Variants in BRIP1 observed in about 807,000 individuals in gnomAD.
The protein encoded by BRIP1 is Fanconi anemia group J protein.
Under a neutral mutation model 119.7 loss-of-function variants are expected in BRIP1, and 88 were observed. That is an observed-to-expected ratio of 0.74 (90% CI 0.62 to 0.88). The LOEUF (loss-of-function observed/expected upper bound fraction) is 0.88. Ranked by LOEUF, BRIP1 falls within the 40% of genes least tolerant of loss-of-function variation. The pLI, the probability that BRIP1 is intolerant of heterozygous loss-of-function variation, is 0.00. For synonymous variants in BRIP1, 443 were observed against 496.5 expected, an observed-to-expected ratio of 0.89 and a Z score of 1.43; for missense variants, 1,259 against 1,455.4, an observed-to-expected ratio of 0.87 and a Z score of 2.20.
intron 11 of BRIP1, among the ~76,000 whole-genome samples, chr17:61,783,577 A>T (rs577517068): frequency 6.7e-6 from 1 of 148,736 alleles, no homozygotes; most frequent in African/African-American, 2.5e-5. Flanking sequence ...TTACCACAAT[A>T]AAAAAAAAAT....
chr17:61,765,316 A>G (rs1465560483), intron 14 of BRIP1, among the ~76,000 whole-genome samples: 1 of 140,810 alleles, frequency 7.1e-6, no homozygotes, highest in African/African-American at 2.6e-5. Context: ...ACATATACAT[A>G]CATAAACACA....
At chr17:61,784,668 T>A (rs1191680989) in intron 10 of BRIP1, among the ~76,000 whole-genome samples, 4 of 152,150 alleles carry the variant, frequency 2.6e-5, no homozygotes, top group Non-Finnish European at 5.9e-5. Flanking sequence ...ATTAACGCCC[T>A]CCCTAAGTAG....
rs569147771 is a variant in BRIP1, at chr17:61,789,060, A to C, written c.1473+4537T>G. Among the ~76,000 whole-genome samples, 20 of 152,142 alleles carry C rather than the reference A, an allele frequency of 1.3e-4. No homozygotes were observed. Among genetic ancestry groups the C allele is most frequent in the Non-Finnish European group, 2.4e-4 (16 of 67,974 alleles). ...CAGTGGGCTGAGATCACACCACTGC[A>C]CTCCAGCCTGGTTAACAGAGTGAGA... On this transcript the variant is annotated intron_variant, in intron 10 of 19. Transcript: ENST00000259008. This position sits in a 1 kb window ranked among gnomAD's most constrained non-coding sequence, Gnocchi z 4.8.
chr17:61,749,721 A>C (rs1402297120), intron 14 of BRIP1, among the ~76,000 whole-genome samples: 1 of 152,208 alleles, frequency 6.6e-6, no homozygotes, highest in African/African-American at 2.4e-5. Flanking sequence ...CAGTATATAT[A>C]GAAATGTTTT....
rs945155481 is a variant in BRIP1, at chr17:61,720,400, A to AAAAAT, written c.2380-4342_2380-4338dup. Among the ~76,000 whole-genome samples, 14 of 152,320 alleles carry AAAAAT rather than the reference A, an allele frequency of 9.2e-5. No individual in the cohort carries two copies. Among genetic ancestry groups the AAAAAT allele is most frequent in the African/African-American group, 3.4e-4 (14 of 41,564 alleles). On this transcript the variant is annotated intron_variant, in intron 16 of 19. Coordinates refer to ENST00000259008, the MANE Select transcript of BRIP1 (RefSeq NM_032043.3). This position sits in a 1 kb window ranked among gnomAD's most constrained non-coding sequence, Gnocchi z 4.3. The stretch of plus-strand genomic sequence containing the variant: ...ATGTACAATAATTATCTGTCAACTA[A>AAAAAT]AAAATAAAATAAAGAGTAAACTTCT...
In BRIP1 at chr17:61,757,304, C is replaced by T. The variant is rs1603308759; in HGVS notation, c.2098-12713G>A. Among the ~76,000 whole-genome samples the T allele has an allele frequency of 2.0e-5, 3 of 152,294 alleles. No homozygotes were observed. The highest frequency in any genetic ancestry group is 6.8e-3 in the Middle Eastern group (2 of 294). On this transcript the variant is annotated intron_variant, in intron 14 of 19. Coordinates refer to ENST00000259008, the MANE Select transcript of BRIP1 (RefSeq NM_032043.3). This position sits in a 1 kb window ranked among gnomAD's most constrained non-coding sequence, Gnocchi z 4.3. Reference sequence around the variant, plus strand: ...CTGTTTGGTGATATTTGACTCAGCACTTTCACCTCAAGAGGCTGGGTTATA... The same window carrying T: ...CTGTTTGGTGATATTTGACTCAGCATTTTCACCTCAAGAGGCTGGGTTATA...
rs1308052397 is a variant in BRIP1 at position 61,735,847 on chromosome 17, C to T, written c.2379+7166G>A. ...GCCTCTTGGATGGATTAGGAAGAAC[C>T]TCAGTCCTACAACCACAAACGGACC... On this transcript the variant is annotated intron_variant, in intron 16 of 19. Transcript: ENST00000259008. This position sits in a 1 kb window ranked among gnomAD's most constrained non-coding sequence, Gnocchi z 4.4. 6.6e-6 allele frequency among the ~76,000 whole-genome samples: 1 copy of T among 151,994 alleles called. No homozygotes were observed. Among genetic ancestry groups the T allele is most frequent in the Non-Finnish European group, 1.5e-5 (1 of 68,008 alleles).
rs1195418499 is a variant in BRIP1 at position 61,753,263 on chromosome 17, T to C, written c.2098-8672A>G. On this transcript the variant is annotated intron_variant, in intron 14 of 19. Coordinates refer to ENST00000259008, the MANE Select transcript of BRIP1 (RefSeq NM_032043.3). This position sits in a 1 kb window ranked among gnomAD's most constrained non-coding sequence, Gnocchi z 4.6. ...GCCTCTGTAACTGCAAGAAATAAAT[T>C]CCTTTTAAAAAATAAATCACCCAGT... Among the ~76,000 whole-genome samples the C allele has an allele frequency of 6.6e-6, 1 of 152,098 alleles. No individual in the cohort carries two copies. The highest frequency in any genetic ancestry group is 1.5e-5 in the Non-Finnish European group (1 of 68,028).
intron 14 of BRIP1, among the ~76,000 whole-genome samples, chr17:61,763,837 A>G (rs1212806770): frequency 6.6e-6 from 1 of 152,206 alleles, no homozygotes. Flanking sequence ...GCTAGAAGTT[A>G]GAAACCTGTG....
At position 61,802,356 on chromosome 17, in the gene BRIP1, A is replaced by G. The variant is rs2078008908; in HGVS notation, c.919-882T>C. On this transcript the variant is annotated intron_variant, in intron 7 of 19. Coordinates refer to ENST00000259008, the MANE Select transcript of BRIP1 (RefSeq NM_032043.3). This position sits in a 1 kb window ranked among gnomAD's most constrained non-coding sequence, Gnocchi z 6.0. ...ACATCAATGGTCCTAGCTACTCAGG[A>G]AGCTGAGGCAGGAGGATCACTTCAG... Among the ~76,000 whole-genome samples the G allele has an allele frequency of 6.6e-6, 1 of 152,168 alleles. No individual in the cohort carries two copies. Among genetic ancestry groups the G allele is most frequent in the African/African-American group, 2.4e-5 (1 of 41,442 alleles).
Position 61,690,312 on chromosome 17 carries a change from A to C in BRIP1, c.2575+3118T>G, listed in dbSNP as rs2061429276. On this transcript the variant is annotated intron_variant, in intron 18 of 19. Coordinates refer to ENST00000259008, the MANE Select transcript of BRIP1 (RefSeq NM_032043.3). The surrounding 1 kb of genome is among the most constrained non-coding windows in gnomAD (Gnocchi z 5.6). ...TACTTTAATATAACAACAGTGATACATAAATAATGTTTAATTCTATACAGA... is the reference window on the plus strand; with the variant it reads ...TACTTTAATATAACAACAGTGATACCTAAATAATGTTTAATTCTATACAGA... Among the ~76,000 whole-genome samples the C allele has an allele frequency of 6.6e-6, 1 of 152,256 alleles. No individual in the cohort carries two copies. The highest frequency in any genetic ancestry group is 1.5e-5 in the Non-Finnish European group (1 of 68,040).
chr17:61,708,694 C>T lies in BRIP1; in HGVS notation c.2492+7257G>A, dbSNP rs2061729961. Among the ~76,000 whole-genome samples the T allele has an allele frequency of 6.6e-6, 1 of 152,142 alleles. No individual in the cohort carries two copies. The highest frequency in any genetic ancestry group is 6.6e-5 in the Admixed American group (1 of 15,262). ...CTTTGACAATCTGGTGAAGACTCTG[C>T]ACTTACTTAAGAGTAAGGCACTAAA... On this transcript the variant is annotated intron_variant, in intron 17 of 19. Coordinates refer to ENST00000259008, the MANE Select transcript of BRIP1 (RefSeq NM_032043.3). This position sits in a 1 kb window ranked among gnomAD's most constrained non-coding sequence, Gnocchi z 4.4.
Position 61,854,877 on chromosome 17 carries a change from T to C in BRIP1, c.379+2181A>G, listed in dbSNP as rs75018420. 3.7e-3 allele frequency among the ~76,000 whole-genome samples: 558 copies of C among 152,142 alleles called. 2 individuals are homozygous for C. The highest frequency in any genetic ancestry group is 0.012 in the African/African-American group (505 of 41,518). On this transcript the variant is annotated intron_variant, in intron 4 of 19. Transcript: ENST00000259008. ...CCCAGAACTAGCAATAACCCAAATA[T>C]ACATAAACAGCCAATAACCAATTTG... is the stretch of plus-strand genomic sequence containing the variant.
chr17:61,690,820 A>T lies in BRIP1; in HGVS notation c.2575+2610T>A, dbSNP rs2144160091. Among the ~76,000 whole-genome samples the T allele has an allele frequency of 6.6e-6, 1 of 152,344 alleles. No homozygotes were observed. Among genetic ancestry groups the T allele is most frequent in the East Asian group, 1.9e-4 (1 of 5,190 alleles). On this transcript the variant is annotated intron_variant, in intron 18 of 19. Coordinates refer to ENST00000259008, the MANE Select transcript of BRIP1 (RefSeq NM_032043.3). This position sits in a 1 kb window ranked among gnomAD's most constrained non-coding sequence, Gnocchi z 5.6. ...AAAGATTGAAAAAAAACCTGTTAGG[A>T]CTAATAAATCCAGTAAAGTTGCAGA...
intron 14 of BRIP1, among the ~76,000 whole-genome samples, chr17:61,766,962 G>A (rs551267597): frequency 4.3e-4 from 66 of 152,118 alleles, no homozygotes; most frequent in African/African-American, 1.6e-3. Context: ...GAGTTCTAAA[G>A]CAATGCTGCT....
At chr17:61,836,038 G>A (rs2078567287) in intron 6 of BRIP1, among the ~76,000 whole-genome samples, 2 of 151,764 alleles carry the variant, frequency 1.3e-5, no homozygotes, top group South Asian at 4.2e-4. Context: ...TAACATAAGG[G>A]AGAACATTTT....
chr17:61,851,926 C>T lies in BRIP1; in HGVS notation c.380-2670G>A, dbSNP rs1489054919. On this transcript the variant is annotated intron_variant, in intron 4 of 19. Transcript: ENST00000259008. This position sits in a 1 kb window ranked among gnomAD's most constrained non-coding sequence, Gnocchi z 4.6. ...TGTCTGGAGACATTTTTCGTTGTCA[C>T]AAAAAGAGCAGAGGTGGAAATACTA... Among the ~76,000 whole-genome samples, 1 of 152,102 alleles carries T rather than the reference C, an allele frequency of 6.6e-6. No homozygotes were observed. Among genetic ancestry groups the T allele is most frequent in the Non-Finnish European group, 1.5e-5 (1 of 68,016 alleles).
rs769491727 is a variant in BRIP1 at position 61,861,311 on chromosome 17, TTAGA to T, written c.93+132_93+135del. The T allele has an allele frequency of 4.3e-5, 30 of 702,500 alleles. No individual in the cohort carries two copies. Among genetic ancestry groups the T allele is most frequent in the Non-Finnish European group, 6.6e-5 (26 of 391,052 alleles). The allele number at this position is 702,500 out of a possible 1,614,324, so 43.5% of individuals were successfully genotyped here. A position where few individuals can be genotyped will look rare whatever the true frequency, so the allele number is the denominator to read the frequency against. Reference sequence around the variant, plus strand: ...GCTGCAATCAGTAGTTTCCCAGAGGTTAGATATTCTTCCAAGTGAACCCAGAAAA... The same window carrying T: ...GCTGCAATCAGTAGTTTCCCAGAGGTTATTCTTCCAAGTGAACCCAGAAAA... On this transcript the variant is annotated intron_variant, in intron 2 of 19. Transcript: ENST00000259008. This position sits in a 1 kb window ranked among gnomAD's most constrained non-coding sequence, Gnocchi z 4.5.
At position 61,761,193 on chromosome 17, in the gene BRIP1, A is replaced by G. The variant is rs1414849962; in HGVS notation, c.2097+15208T>C. Among the ~76,000 whole-genome samples the G allele has an allele frequency of 1.3e-5, 2 of 152,118 alleles. No individual in the cohort carries two copies. Among genetic ancestry groups the G allele is most frequent in the African/African-American group, 4.8e-5 (2 of 41,456 alleles). ...TTAGATGTAGAAAAATCATTTGACA[A>G]AATTCAACATCCTTTCCTGAGAAAA... On this transcript the variant is annotated intron_variant, in intron 14 of 19. Transcript: ENST00000259008. This position sits in a 1 kb window ranked among gnomAD's most constrained non-coding sequence, Gnocchi z 6.4.
Sources: gnomAD v4.1 joint callset for allele counts (sites outside exome capture counted in the v4.1 genomes callset) on GRCh38, gnomAD v4.1.1 for gene constraint, Gnocchi (gnomAD v3.1) non-coding constraint, MANE v1.5 for transcripts, NCBI Gene and HGNC (gene_info 2026-07-23, HGNC 2026-07-21) for gene names.